CENPH: variants seen among roughly 807,000 people sequenced by gnomAD.
CENPH encodes centromere protein H, also known as CENP-H.
Under a neutral mutation model 42.9 loss-of-function variants are expected in CENPH, and 40 were observed. The observed-to-expected ratio is 0.93, with a 90% CI of 0.72 to 1.21. CENPH has a LOEUF of 1.21. CENPH is among the 50% of genes most tolerant of loss of function. CENPH has a pLI of 0.00. For missense variants in CENPH, 302 were observed against 292.9 expected (o/e 1.03, Z -0.23); for synonymous variants, 88 against 96.5 (o/e 0.91, Z 0.52).
At position 69,194,762 on chromosome 5, in the gene CENPH, G is replaced by A. The variant is rs116575196; in HGVS notation, c.239+67G>A. The A allele has an allele frequency of 1.9e-4, 192 of 1,012,958 alleles. No homozygotes were observed. The African/African-American group carries it at 2.9e-3, about 16-fold the overall frequency. The allele number at this position is 1,012,958 out of a possible 1,614,324, so 62.7% of individuals were successfully genotyped here. On this transcript the variant is annotated intron_variant, in intron 3 of 8. Transcript: ENST00000283006. The stretch of plus-strand genomic sequence containing the variant: ...ATTTAATCATATTTTCTATTATTTT[G>A]TTGTTAGATGGAGTCTCACTATCAT...
At chr5:69,200,453 A>C (rs1265686380) in intron 5 of CENPH, among the ~76,000 whole-genome samples, 1 of 152,186 alleles carries the variant, frequency 6.6e-6, no homozygotes, top group East Asian at 1.9e-4. Flanking sequence ...ACAGCTTATA[A>C]TCCTGTGCTG....
intron 5 of CENPH, among the ~76,000 whole-genome samples, chr5:69,199,276 T>C (rs934860460): frequency 6.6e-6 from 1 of 152,126 alleles, no homozygotes. Context: ...CCTCCCAGGT[T>C]CAAGTGATCC....
At chr5:69,196,824 C>T (rs892984341) in intron 4 of CENPH, among the ~76,000 whole-genome samples, 1 of 152,072 alleles carries the variant, frequency 6.6e-6, no homozygotes, top group African/African-American at 2.4e-5. Flanking sequence ...TTCACCTGGC[C>T]CCTCATTCTG....
At chr5:69,205,747 C>A (rs1169196115) in intron 7 of CENPH, among the ~76,000 whole-genome samples, 1 of 113,604 alleles carries the variant, frequency 8.8e-6, no homozygotes. Flanking sequence ...CTCGCTCTGT[C>A]GCCCAGGCTG....
At position 69,197,102 on chromosome 5, in the gene CENPH, C is replaced by A; in HGVS notation, c.364C>A (p.Gln122Lys). 1 of 1,576,686 alleles carries A rather than the reference C, an allele frequency of 6.3e-7. No individual in the cohort carries two copies. Among genetic ancestry groups the A allele is most frequent in the Non-Finnish European group, 8.6e-7 (1 of 1,165,802 alleles). ...AAAAAACCTGGAGAAAATTAGCAGA[C>A]AGTCTAGGTATGATTTTTTTTTTCT... is the stretch of plus-strand genomic sequence containing the variant. ...LKKNLEKISRQSSVLMDNMKH... is the reference protein window; with the variant it reads ...LKKNLEKISRKSSVLMDNMKH... Residue 122 changes from glutamine (Q) to lysine (K), a missense_variant, in exon 5 of 9, where the codon CAG becomes AAG. By Grantham distance (53) the Gln-to-Lys change is moderately conservative. Transcript: ENST00000283006.
chr5:69,190,322 C>T (rs77279878), intron 1 of CENPH, among the ~76,000 whole-genome samples: 20 of 152,304 alleles, frequency 1.3e-4, no homozygotes, highest in African/African-American at 4.8e-4. Flanking sequence ...TGTGACCACT[C>T]AAGCTAAGAA....
At chr5:69,199,587 G>A (rs1348917693) in intron 5 of CENPH, among the ~76,000 whole-genome samples, 1 of 152,174 alleles carries the variant, frequency 6.6e-6, no homozygotes, top group Non-Finnish European at 1.5e-5. Context: ...AGGCAATCAT[G>A]ATGGGTGAGG....
intron 1 of CENPH, among the ~76,000 whole-genome samples, chr5:69,191,518 AG>A: frequency 6.6e-6 from 1 of 152,224 alleles, no homozygotes; most frequent in Non-Finnish European, 1.5e-5. Flanking sequence ...TCTCAAAAAA[AG>A]AAAAAAATCT....
intron 2 of CENPH, among the ~76,000 whole-genome samples, chr5:69,192,585 C>T (rs949409745): frequency 6.6e-6 from 1 of 152,058 alleles, no homozygotes; most frequent in African/African-American, 2.4e-5. Flanking sequence ...TTGAGATTAG[C>T]CTGGGAAACA....
At chr5:69,202,385 A>T in intron 5 of CENPH, 121 bp from the exon 6 acceptor site, 1 of 593,464 alleles carries the variant, frequency 1.7e-6, no homozygotes, top group Non-Finnish European at 3.0e-6. Context: ...TTTTTATCCA[A>T]GTGTACGGTG....
chr5:69,208,348 CAT>C lies in CENPH; in HGVS notation c.641_642del (p.His214ArgfsTer10), dbSNP rs1454925414. 3 of 1,587,558 alleles carry C rather than the reference CAT, an allele frequency of 1.9e-6. No individual in the cohort carries two copies. The highest frequency in any genetic ancestry group is 1.7e-5 in the Admixed American group (1 of 57,636). On this transcript the variant is annotated frameshift_variant, in exon 8 of 9. Transcript: ENST00000283006. LOFTEE classifies it high-confidence loss of function. ...MEIKITTVIQ[H>X]VFQNLILGSK... ...GATAAAAATTACTACTGTTATTCAA[CAT>C]GTGTTCCAGGTAACATTTATATAAA...
At chr5:69,194,918 CTTTTTTTTT>C (rs869047885) in intron 3 of CENPH, among the ~76,000 whole-genome samples, 2 of 136,004 alleles carry the variant, frequency 1.5e-5, no homozygotes, top group Non-Finnish European at 3.2e-5. Flanking sequence ...GACTTTCTTT[CTTTTTTTTT>C]TTTTTTTTTA....
intron 4 of CENPH, 84 bp downstream of exon 4, chr5:69,195,875 G>A: frequency 1.5e-6 from 1 of 666,802 alleles, no homozygotes; most frequent in Non-Finnish European, 2.6e-6. Context: ...CTTTTAACTG[G>A]GCTGAGTGAA....
chr5:69,189,822 C>G (rs1747834408), intron 1 of CENPH, 54 bp downstream of exon 1: 3 of 1,417,042 alleles, frequency 2.1e-6, no homozygotes, highest in African/African-American at 3.0e-5. Flanking sequence ...TGGCCCGGAA[C>G]TCCGCCCTTG....
At chr5:69,199,000 G>A (rs1748013003) in intron 5 of CENPH, among the ~76,000 whole-genome samples, 1 of 152,030 alleles carries the variant, frequency 6.6e-6, no homozygotes, top group Non-Finnish European at 1.5e-5. Context: ...AGGAGAGCAG[G>A]ACAGATTCAT....
At chr5:69,205,952 G>A (rs1285401320) in intron 7 of CENPH, among the ~76,000 whole-genome samples, 1 of 149,280 alleles carries the variant, frequency 6.7e-6, no homozygotes, top group Non-Finnish European at 1.5e-5. Context: ...CTCGTGATCC[G>A]CCCTCCTCGA....
chr5:69,195,028 G>A (rs962038756), intron 3 of CENPH, among the ~76,000 whole-genome samples: 1 of 151,520 alleles, frequency 6.6e-6, no homozygotes, highest in African/African-American at 2.4e-5. Context: ...TCGGGAGTTC[G>A]AAACCAGCCT....
At chr5:69,193,911 C>A (rs1747921511) in intron 2 of CENPH, among the ~76,000 whole-genome samples, 1 of 151,976 alleles carries the variant, frequency 6.6e-6, no homozygotes, top group Non-Finnish European at 1.5e-5. Flanking sequence ...CTCGGCCTCC[C>A]AAAGTACTGG....
chr5:69,195,724 G>T lies in CENPH; in HGVS notation c.247G>T (p.Glu83Ter). 1 of 1,549,956 alleles carries T rather than the reference G, an allele frequency of 6.5e-7. No homozygotes were observed. Among genetic ancestry groups the T allele is most frequent in the South Asian group, 1.2e-5 (1 of 85,318 alleles). ...CTCATGTTTCTTTGATAGTAAAATT[G>T]AAGACCTGGAAAATGAAATTGAAGA... ...MQEKQIEAKI[E>*]DLENEIEEVK... Residue 83 changes from glutamate to a stop codon, truncating the protein, a stop_gained, in exon 4 of 9, where the codon GAA (glutamate) becomes TAA (stop). Coordinates refer to ENST00000283006, the MANE Select transcript of CENPH (RefSeq NM_022909.4). LOFTEE classifies it high-confidence loss of function.
Sources: gnomAD v4.1 joint callset for allele counts (sites outside exome capture counted in the v4.1 genomes callset) on GRCh38, gnomAD v4.1.1 for gene constraint, MANE v1.5 for transcripts, NCBI Gene and HGNC (gene_info 2026-07-23, HGNC 2026-07-21) for gene names.